Variants in SSBP3 observed in about 807,000 individuals in gnomAD.
SSBP3 encodes single stranded DNA binding protein 3, also known as single-stranded DNA-binding protein 3.
A neutral mutation model predicts 69.6 loss-of-function variants in SSBP3; 5 were observed. That is an observed-to-expected ratio of 0.07 (90% confidence interval 0.04 to 0.15). The LOEUF is 0.15. SSBP3 is among the 10% of genes least tolerant of loss of function. SSBP3 has a pLI of 1.00. For missense variants in SSBP3, 312 were observed against 534.0 expected (o/e 0.58, Z 4.10); for synonymous variants, 196 against 193.4 (o/e 1.01, Z -0.11).
At chr1:54,360,934 A>T (rs1646942393) in intron 4 of SSBP3, among the ~76,000 whole-genome samples, 1 of 151,328 alleles carries the variant, frequency 6.6e-6, no homozygotes, top group Non-Finnish European at 1.5e-5. Flanking sequence ...AAAAAAAAAA[A>T]AATCTGCCAG....
At chr1:54,265,995 C>A (rs544588149) in intron 5 of SSBP3, among the ~76,000 whole-genome samples, 6 of 152,202 alleles carry the variant, frequency 3.9e-5, no homozygotes, top group Non-Finnish European at 8.8e-5. Flanking sequence ...TGCCTCCTGG[C>A]GGAACAGAAT....
intron 4 of SSBP3, among the ~76,000 whole-genome samples, chr1:54,359,149 G>T (rs1646913404): frequency 6.6e-6 from 1 of 151,562 alleles, no homozygotes; most frequent in African/African-American, 2.4e-5. Flanking sequence ...TGGTGGAGGT[G>T]GGGAGAGTTT....
At chr1:54,321,721 G>GC (rs1435070991) in intron 4 of SSBP3, among the ~76,000 whole-genome samples, 1 of 152,234 alleles carries the variant, frequency 6.6e-6, no homozygotes, top group Non-Finnish European at 1.5e-5. Flanking sequence ...CAACCGACTA[G>GC]CATCACTCAC....
chr1:54,238,789 C>CCAA (rs3831168), intron 14 of SSBP3: 2 of 364,050 alleles, frequency 5.5e-6, no homozygotes, highest in Non-Finnish European at 1.1e-5. Flanking sequence ...ATTGCCCGGG[C>CCAA]CACAGCCAGT....
chr1:54,337,832 T>TA (rs959402469), intron 4 of SSBP3, among the ~76,000 whole-genome samples: 4 of 151,978 alleles, frequency 2.6e-5, no homozygotes, highest in African/African-American at 9.7e-5. Flanking sequence ...TTTTTGGGCA[T>TA]AAAAAATAAA....
intron 4 of SSBP3, among the ~76,000 whole-genome samples, chr1:54,358,572 C>T (rs934648270): frequency 3.3e-5 from 5 of 152,194 alleles, no homozygotes; most frequent in African/African-American, 1.2e-4. Context: ...GATGGCATAA[C>T]CTCCATCCCC....
chr1:54,245,802 C>T (rs1644725187), intron 9 of SSBP3, among the ~76,000 whole-genome samples: 1 of 152,254 alleles, frequency 6.6e-6, no homozygotes, highest in South Asian at 2.1e-4. Context: ...GGTCAGAACA[C>T]AGGAAGGCTG....
chr1:54,348,247 C>CGGGGGGGGGGG (rs34214298), intron 4 of SSBP3, among the ~76,000 whole-genome samples: 10 of 39,330 alleles, frequency 2.5e-4, no homozygotes, highest in Admixed American at 3.0e-4. Context: ...GCATGGGGGG[C>CGGGGGGGGGGG]GGGGGGGGGG....
intron 5 of SSBP3, among the ~76,000 whole-genome samples, chr1:54,263,557 C>T (rs1645051302): frequency 6.6e-6 from 1 of 152,250 alleles, no homozygotes; most frequent in African/African-American, 2.4e-5. Context: ...CCTGTGGCCA[C>T]TCGCCTGCCC....
At chr1:54,403,812 G>A (rs1649479998) in intron 3 of SSBP3, among the ~76,000 whole-genome samples, 2 of 152,074 alleles carry the variant, frequency 1.3e-5, no homozygotes, top group South Asian at 2.1e-4. Flanking sequence ...CATATACCTA[G>A]GGCAACTGGC....
chr1:54,404,552 T>C (rs189916150), intron 3 of SSBP3, 24 bp downstream of exon 3: 172 of 1,611,790 alleles, frequency 1.1e-4, no homozygotes, highest in East Asian at 2.2e-4. Context: ...CAAACACACA[T>C]GCAAAACTAT....
chr1:54,265,294 G>T (rs1326460363), intron 5 of SSBP3, among the ~76,000 whole-genome samples: 1 of 152,202 alleles, frequency 6.6e-6, no homozygotes, highest in Non-Finnish European at 1.5e-5. Context: ...TTGGAGAGGG[G>T]TTGTGTGAAG....
In SSBP3 at chr1:54,240,100, G is replaced by GCGCGCACATGCCCACGTA. The variant is rs1557448955; in HGVS notation, c.856+804_856+805insTACGTGGGCATGTGCGCG. Reference sequence around the variant, plus strand: ...TGTGTGTGTGTGTGCGCGCGCGCGCGTGTGCGTGCGCGCGCGCGCGCAACA... The same window carrying GCGCGCACATGCCCACGTA: ...TGTGTGTGTGTGTGCGCGCGCGCGCGCGCGCACATGCCCACGTATGTGCGTGCGCGCGCGCGCGCAACA... On this transcript the variant is annotated intron_variant, in intron 13 of 17. Transcript: ENST00000610401. Among the ~76,000 whole-genome samples the GCGCGCACATGCCCACGTA allele has an allele frequency of 5.5e-4, 5 of 9,172 alleles. No individual in the cohort carries two copies. The Admixed American group carries it at 6.4e-3, about 12-fold the overall frequency. 6.0% of individuals were successfully genotyped at this position (9,172 alleles called of 152,430 possible). A position where few individuals can be genotyped will look rare whatever the true frequency, so the allele number is the denominator to read the frequency against.
At chr1:54,256,333 A>T (rs552332289) in intron 7 of SSBP3, among the ~76,000 whole-genome samples, 1 of 152,214 alleles carries the variant, frequency 6.6e-6, no homozygotes, top group Admixed American at 6.5e-5. Context: ...GGGGCATAAA[A>T]TTTCCCTGAT....
intron 14 of SSBP3, 74 bp from the exon 15 acceptor site, chr1:54,228,900 A>C: frequency 6.7e-7 from 1 of 1,491,350 alleles, no homozygotes; most frequent in Non-Finnish European, 9.2e-7. Flanking sequence ...AGGGGGCTGC[A>C]GCCACGCTTG....
At chr1:54,283,871 T>C (rs2100896670) in intron 4 of SSBP3, among the ~76,000 whole-genome samples, 1 of 152,300 alleles carries the variant, frequency 6.6e-6, no homozygotes, top group East Asian at 1.9e-4. Flanking sequence ...CGCCAGCTTA[T>C]CCATTAGCTG....
exon 15 of SSBP3, chr1:54,228,807 G>A (rs371885855): frequency 9.3e-6 from 15 of 1,611,806 alleles, no homozygotes; most frequent in African/African-American, 2.7e-5. Flanking sequence ...CGGACCGTCC[G>A]AGCCGGGACC....
At chr1:54,345,232 C>T (rs1364943520) in intron 4 of SSBP3, among the ~76,000 whole-genome samples, 1 of 152,166 alleles carries the variant, frequency 6.6e-6, no homozygotes, top group Non-Finnish European at 1.5e-5. Flanking sequence ...TTACACTTGG[C>T]TTCTTCATGC....
chr1:54,261,447 A>G (rs1480471218), intron 5 of SSBP3, among the ~76,000 whole-genome samples: 3 of 152,336 alleles, frequency 2.0e-5, no homozygotes, highest in African/African-American at 7.2e-5. Flanking sequence ...AAAAGGATCT[A>G]GATTGAGGGC....
Sources: allele counts gnomAD v4.1 joint callset (sites outside exome capture counted in the v4.1 genomes callset), GRCh38; gene constraint gnomAD v4.1.1; transcripts MANE v1.5; gene names NCBI Gene and HGNC (gene_info 2026-07-23, HGNC 2026-07-21).